ITGA9: variants seen among roughly 807,000 people sequenced by gnomAD.
The protein encoded by ITGA9 is integrin alpha-9.
Under a neutral mutation model 127.8 loss-of-function variants are expected in ITGA9, and 56 were observed. The observed-to-expected ratio is 0.44, with a 90% CI of 0.35 to 0.55. ITGA9 has a LOEUF of 0.55. Ranked by LOEUF, ITGA9 falls within the 20% of genes least tolerant of loss-of-function variation. The pLI is 0.00. For synonymous variants in ITGA9, 508 were observed against 514.5 expected (o/e 0.99, Z 0.17); for missense variants, 1,196 against 1,347.1 (o/e 0.89, Z 1.76).
intron 23 of ITGA9, among the ~76,000 whole-genome samples, chr3:37,768,403 C>T (rs977719448): frequency 1.3e-5 from 2 of 152,210 alleles, no homozygotes; most frequent in African/African-American, 2.4e-5. Flanking sequence ...GTCACCACAG[C>T]CATTGTAGTA....
chr3:37,766,950 T>A (rs1357976613), intron 23 of ITGA9, among the ~76,000 whole-genome samples: 1 of 152,248 alleles, frequency 6.6e-6, no homozygotes, highest in African/African-American at 2.4e-5. Context: ...GCCATCCCCA[T>A]GCCTGGGAAA....
At chr3:37,644,678 C>A (rs1302486300) in intron 16 of ITGA9, among the ~76,000 whole-genome samples, 1 of 152,144 alleles carries the variant, frequency 6.6e-6, no homozygotes, top group Non-Finnish European at 1.5e-5. Context: ...CAGAACTTGT[C>A]ATTTCTAGTT....
intron 19 of ITGA9, 177 bp downstream of exon 19, chr3:37,732,975 A>G (rs1454511933): frequency 3.1e-6 from 2 of 654,506 alleles, no homozygotes; most frequent in Non-Finnish European, 5.6e-6. Flanking sequence ...ACCGGGGTAT[A>G]CTCCGGAGGG....
chr3:37,696,142 G>A (rs1700882740), intron 18 of ITGA9, among the ~76,000 whole-genome samples: 1 of 152,212 alleles, frequency 6.6e-6, no homozygotes, highest in Non-Finnish European at 1.5e-5. Flanking sequence ...ACAAGGTGGG[G>A]TGGCAAATGA....
intron 26 of ITGA9, among the ~76,000 whole-genome samples, chr3:37,801,208 A>C (rs947547949): frequency 1.3e-5 from 2 of 151,944 alleles, no homozygotes; most frequent in African/African-American, 4.8e-5. Flanking sequence ...GAAACCAGGT[A>C]CTGTAGTTCA....
intron 17 of ITGA9, 38 bp from the exon 18 acceptor site, chr3:37,683,827 G>A: frequency 1.9e-6 from 3 of 1,610,220 alleles, no homozygotes; most frequent in South Asian, 1.1e-5. Context: ...ATTAGTGTAG[G>A]CCTCAGGGCA....
rs755877875 is a variant in ITGA9, at chr3:37,818,999, C to G, written c.*10C>G. The stretch of plus-strand genomic sequence containing the variant: ...CCAGAAAAACCAGTGAGCTGCCACA[C>G]CAGTCACATGACCTGATCACTAGCC... On this transcript the variant is annotated 3_prime_UTR_variant, in exon 28 of 28. Coordinates refer to ENST00000264741, the MANE Select transcript of ITGA9 (RefSeq NM_002207.3). 4.5e-6 allele frequency: 7 copies of G among 1,564,498 alleles called. No individual in the cohort carries two copies. The highest frequency in any genetic ancestry group is 4.4e-6 in the Non-Finnish European group (5 of 1,134,828).
At chr3:37,561,943 G>A (rs143705771) in intron 15 of ITGA9, among the ~76,000 whole-genome samples, 2 of 152,294 alleles carry the variant, frequency 1.3e-5, no homozygotes, top group East Asian at 1.9e-4. Context: ...CTGTGTTGAA[G>A]TCAGGGAATA....
chr3:37,501,805 G>A (rs1420020696), intron 5 of ITGA9, among the ~76,000 whole-genome samples: 1 of 152,174 alleles, frequency 6.6e-6, no homozygotes, highest in Non-Finnish European at 1.5e-5. Flanking sequence ...AGATCAGAGG[G>A]AGTTCCGAAG....
chr3:37,568,130 C>T (rs1171358234), intron 15 of ITGA9, among the ~76,000 whole-genome samples: 2 of 152,270 alleles, frequency 1.3e-5, no homozygotes, highest in East Asian at 1.9e-4. Flanking sequence ...CATGCATCCT[C>T]TGAAATCTAG....
At position 37,638,170 on chromosome 3, in the gene ITGA9, C is replaced by T. The variant is rs72857251; in HGVS notation, c.1839+8834C>T. Among the ~76,000 whole-genome samples, 964 of 151,998 alleles carry T rather than the reference C, an allele frequency of 6.3e-3. 12 individuals carry two copies. The highest frequency in any genetic ancestry group is 0.022 in the African/African-American group (903 of 41,418). ...ATAATGTCTAGATCTGATAAATCAA[C>T]GAGTAGTAGTATCAGCATGTTTTCT... On this transcript the variant is annotated intron_variant, in intron 16 of 27. Transcript: ENST00000264741.
In ITGA9 at chr3:37,819,240, T is replaced by C; in HGVS notation, c.*251T>C. The C allele has an allele frequency of 5.3e-6, 3 of 567,234 alleles. No individual in the cohort carries two copies. Among genetic ancestry groups the C allele is most frequent in the Non-Finnish European group, 9.5e-6 (3 of 317,152 alleles). The allele number at this position is 567,234 out of a possible 1,614,324, so 35.1% of individuals were successfully genotyped here. A position where few individuals can be genotyped will look rare whatever the true frequency, so the allele number is the denominator to read the frequency against. The stretch of plus-strand genomic sequence containing the variant: ...GAGAGTGAGCTACAGAGCCGAGCAA[T>C]ATTTATGGATGCAACACGCATGGTC... On this transcript the variant is annotated 3_prime_UTR_variant, in exon 28 of 28. Transcript: ENST00000264741.
chr3:37,502,842 G>A (rs1488165502), intron 5 of ITGA9, among the ~76,000 whole-genome samples: 2 of 152,142 alleles, frequency 1.3e-5, no homozygotes, highest in Non-Finnish European at 1.5e-5. Flanking sequence ...CTGTGGTTGA[G>A]GTCAATGTCA....
intron 27 of ITGA9, among the ~76,000 whole-genome samples, chr3:37,811,051 C>G (rs1001978359): frequency 1.1e-4 from 16 of 152,200 alleles, no homozygotes; most frequent in African/African-American, 3.9e-4. Context: ...CTGGCTCTGA[C>G]ACAAAATCCA....
intron 16 of ITGA9, among the ~76,000 whole-genome samples, chr3:37,637,070 G>A (rs137998551): frequency 1.4e-3 from 212 of 152,278 alleles, no homozygotes; most frequent in African/African-American, 4.5e-3. Context: ...GTAGCGTGAC[G>A]CCTCCAGCTT....
chr3:37,645,309 G>A (rs1488691494), intron 16 of ITGA9, among the ~76,000 whole-genome samples: 2 of 152,092 alleles, frequency 1.3e-5, no homozygotes, highest in Non-Finnish European at 1.5e-5. Context: ...TGGCTCACGC[G>A]TGTAATCCCA....
At chr3:37,707,836 T>C (rs1221863106) in intron 18 of ITGA9, among the ~76,000 whole-genome samples, 1 of 152,086 alleles carries the variant, frequency 6.6e-6, no homozygotes, top group Non-Finnish European at 1.5e-5. Flanking sequence ...TCTTAGAAAG[T>C]GGTGTGTGGA....
chr3:37,741,834 C>T lies in ITGA9; in HGVS notation c.2324+15C>T, dbSNP rs750916175. ...TCCATCACCGGGTGAGTAGCCTGGT[C>T]CTGGGTTGCCACAACACAGGAGTGC... On this transcript the variant is annotated intron_variant, in intron 21 of 27. Transcript: ENST00000264741. The T allele has an allele frequency of 3.7e-6, 6 of 1,601,898 alleles. No homozygotes were observed. In the African/African-American group the frequency reaches 4.0e-5, roughly 11 times the overall value.
At chr3:37,626,528 A>G (rs768426114) in intron 15 of ITGA9, among the ~76,000 whole-genome samples, 1 of 152,192 alleles carries the variant, frequency 6.6e-6, no homozygotes, top group Admixed American at 6.5e-5. Context: ...AAATAAAAGA[A>G]TGAAAGTTAG....
Sources: gnomAD v4.1 joint callset for allele counts (sites outside exome capture counted in the v4.1 genomes callset) on GRCh38, gnomAD v4.1.1 for gene constraint, MANE v1.5 for transcripts, NCBI Gene and HGNC (gene_info 2026-07-23, HGNC 2026-07-21) for gene names.